Variants in SV2C observed in about 807,000 individuals in gnomAD.
SV2C encodes solute carrier family 22 member B3.
A neutral mutation model predicts 79.7 loss-of-function variants in SV2C; 49 were observed. The observed-to-expected ratio is 0.61, with a 90% confidence interval of 0.49 to 0.78. The LOEUF is 0.78. Among genes scored for constraint, SV2C ranks in the 30% least tolerant of loss-of-function variants. The pLI, the probability that SV2C is intolerant of heterozygous loss-of-function variation, is 0.00. For missense variants in SV2C, 833 were observed against 912.9 expected (o/e 0.91, Z 1.13); for synonymous variants, 334 against 333.2 (o/e 1.00, Z -0.03).
At chr5:75,890,715 T>C in the SV2C span, among the ~76,000 whole-genome samples, 1 of 152,114 alleles carries the variant, frequency 6.6e-6, no homozygotes, top group Non-Finnish European at 1.5e-5. Flanking sequence ...AGCATAGGAA[T>C]TGCCCTAAGC....
At chr5:75,941,081 C>G in the SV2C span, among the ~76,000 whole-genome samples, 1 of 152,150 alleles carries the variant, frequency 6.6e-6, no homozygotes, top group African/African-American at 2.4e-5. Context: ...ATGCAAATTT[C>G]TTCATGAATG....
chr5:75,868,230 G>A, the SV2C span, among the ~76,000 whole-genome samples: 3 of 152,118 alleles, frequency 2.0e-5, no homozygotes, highest in African/African-American at 4.8e-5. Flanking sequence ...TGAAACTTAA[G>A]GTATAGGAAG....
At chr5:76,202,040 A>G (rs1744464541) in intron 3 of SV2C, among the ~76,000 whole-genome samples, 1 of 151,034 alleles carries the variant, frequency 6.6e-6, no homozygotes, top group Non-Finnish European at 1.5e-5. Context: ...AAAAAAAGAA[A>G]GAAAAAGAAA....
the SV2C span, among the ~76,000 whole-genome samples, chr5:76,054,707 C>T: frequency 1.3e-5 from 2 of 152,172 alleles, no homozygotes; most frequent in East Asian, 3.8e-4. Context: ...GAGGTTTTAT[C>T]TCATTGTGGT....
the SV2C span, among the ~76,000 whole-genome samples, chr5:76,043,665 T>A: frequency 6.6e-6 from 1 of 152,230 alleles, no homozygotes; most frequent in Non-Finnish European, 1.5e-5. Context: ...AAACTTTATT[T>A]TAGTGAAGCC....
intron 3 of SV2C, among the ~76,000 whole-genome samples, chr5:76,206,674 A>G (rs1215250605): frequency 6.6e-6 from 1 of 152,208 alleles, no homozygotes; most frequent in African/African-American, 2.4e-5. Flanking sequence ...CACTTAGCAC[A>G]TGTCCACTGG....
chr5:76,148,378 A>T (rs56279201), intron 2 of SV2C, among the ~76,000 whole-genome samples: 1 of 151,940 alleles, frequency 6.6e-6, no homozygotes, highest in Admixed American at 6.6e-5. Flanking sequence ...AAGATTTAAA[A>T]TTTTTAACTC....
the SV2C span, among the ~76,000 whole-genome samples, chr5:75,938,302 A>ATG: frequency 8.2e-4 from 125 of 151,988 alleles, 1 homozygote; most frequent in Middle Eastern, 6.8e-3. Context: ...CTGCCTGTAT[A>ATG]TGCTCAATAG....
intron 2 of SV2C, 132 bp downstream of exon 2, chr5:76,132,462 C>CT (rs1748935306): frequency 6.7e-6 from 6 of 891,712 alleles, no homozygotes; most frequent in Non-Finnish European, 4.9e-6. Context: ...TTACAAAAAA[C>CT]TTTAAGCATA....
chr5:75,907,989 CT>C, the SV2C span, among the ~76,000 whole-genome samples: 1 of 152,136 alleles, frequency 6.6e-6, no homozygotes, highest in Non-Finnish European at 1.5e-5. Flanking sequence ...CTGTGTGATG[CT>C]GTTGGCCTTG....
chr5:75,925,391 A>G, the SV2C span, among the ~76,000 whole-genome samples: 1 of 152,218 alleles, frequency 6.6e-6, no homozygotes, highest in African/African-American at 2.4e-5. Context: ...ACGATATTTA[A>G]TCACATTTCC....
chr5:75,944,900 A>G, the SV2C span, among the ~76,000 whole-genome samples: 1 of 152,168 alleles, frequency 6.6e-6, no homozygotes, highest in South Asian at 2.1e-4. Context: ...CCCAAAAAAG[A>G]TGGACTGTCT....
At chr5:76,103,465 A>C (rs556926971) in intron 1 of SV2C, among the ~76,000 whole-genome samples, 1 of 152,332 alleles carries the variant, frequency 6.6e-6, no homozygotes, top group African/African-American at 2.4e-5. Flanking sequence ...TTGTGCAAAG[A>C]AACCCAAAAT....
intron 4 of SV2C, among the ~76,000 whole-genome samples, chr5:76,259,470 T>G (rs1321527116): frequency 2.6e-5 from 4 of 152,186 alleles, no homozygotes. Context: ...CTGGGATACA[T>G]GTGTTGAACA....
At chr5:76,064,840 A>G in the SV2C span, among the ~76,000 whole-genome samples, 1 of 152,180 alleles carries the variant, frequency 6.6e-6, no homozygotes, top group Non-Finnish European at 1.5e-5. Flanking sequence ...CTATTGTTAA[A>G]GTGATTTTAA....
At chr5:76,066,797 A>T in the SV2C span, among the ~76,000 whole-genome samples, 7 of 31,470 alleles carry the variant, frequency 2.2e-4, no homozygotes, top group South Asian at 5.5e-3. Context: ...GACCCTGTTA[A>T]AAAAAAAAAA....
the SV2C span, among the ~76,000 whole-genome samples, chr5:75,934,302 C>CTTTTTTTTTTTTTTTTTTTTTT: frequency 4.6e-5 from 5 of 107,826 alleles, no homozygotes; most frequent in African/African-American, 8.5e-5. Context: ...TTCTTTCTTT[C>CTTTTTTTTTTTTTTTTTTTTTT]TTTTTTTTTT....
At chr5:76,028,781 A>T in the SV2C span, among the ~76,000 whole-genome samples, 2 of 152,110 alleles carry the variant, frequency 1.3e-5, no homozygotes, top group African/African-American at 4.8e-5. Context: ...TACACTGGGG[A>T]TGTATAGCAG....
chr5:76,049,023 G>GAAAGAAAGAAAGAAAGAAAGAAAGAA, the SV2C span, among the ~76,000 whole-genome samples: 32 of 82,634 alleles, frequency 3.9e-4, no homozygotes, highest in African/African-American at 1.3e-3. Flanking sequence ...AAGAAAGAAA[G>GAAAGAAAGAAAGAAAGAAAGAAAGAA]AAAAAGAAAA....
Sources: allele counts gnomAD v4.1 joint callset (sites outside exome capture counted in the v4.1 genomes callset), GRCh38; gene constraint gnomAD v4.1.1; transcripts MANE v1.5; gene names NCBI Gene and HGNC (gene_info 2026-07-23, HGNC 2026-07-21).